The following SFT2D1 variants were observed in gnomAD, a reference collection of about 807,000 sequenced individuals.
SFT2D1 encodes vesicle transport protein SFT2A.
SFT2D1 carries 24 observed loss-of-function variants against 28.1 expected under a neutral mutation model. The ratio of observed to expected loss-of-function variants is 0.85; its 90% CI spans 0.62 to 1.20. The LOEUF (loss-of-function observed/expected upper bound fraction) is 1.20, where lower values mean the gene tolerates loss of function less well. SFT2D1 is among the 50% of genes most tolerant of loss of function. The pLI is 0.00. For synonymous variants in SFT2D1, 82 were observed against 73.7 expected (o/e 1.11, Z -0.58); for missense variants, 181 against 190.9 (o/e 0.95, Z 0.31).
chr6:166,341,496 TA>T (rs1262951327), intron 1 of SFT2D1, among the ~76,000 whole-genome samples: 6 of 149,694 alleles, frequency 4.0e-5, no homozygotes, highest in Non-Finnish European at 8.9e-5. Flanking sequence ...GCTGTGGTAA[TA>T]TACAGAGTTA....
chr6:166,329,674 A>G, intron 2 of SFT2D1, 85 bp from the exon 3 acceptor site: 1 of 1,008,644 alleles, frequency 9.9e-7, no homozygotes, highest in East Asian at 2.7e-5. Flanking sequence ...GTAATACAAT[A>G]CCAATATTAT....
At chr6:166,342,389 C>A in intron 1 of SFT2D1, 30 bp downstream of exon 1, 1 of 1,542,196 alleles carries the variant, frequency 6.5e-7, no homozygotes. Flanking sequence ...CGGGCAGCCC[C>A]GGGACTGGAC....
At chr6:166,342,196 G>C (rs189579042) in intron 1 of SFT2D1, among the ~76,000 whole-genome samples, 7 of 133,962 alleles carry the variant, frequency 5.2e-5, no homozygotes, top group African/African-American at 1.3e-4. Context: ...CCAGATGGGA[G>C]AGTCGGGGGG....
intron 1 of SFT2D1, among the ~76,000 whole-genome samples, chr6:166,332,722 C>T (rs1262385327): frequency 3.3e-5 from 5 of 152,222 alleles, no homozygotes; most frequent in Non-Finnish European, 7.3e-5. Flanking sequence ...TATCTGCTAC[C>T]AGAGGAAGAG....
chr6:166,325,137 T>C (rs1778420408), intron 5 of SFT2D1, among the ~76,000 whole-genome samples: 1 of 152,204 alleles, frequency 6.6e-6, no homozygotes, highest in African/African-American at 2.4e-5. Flanking sequence ...AATCTACTGT[T>C]TATAAGTAAA....
chr6:166,330,736 G>A (rs1003956634), intron 1 of SFT2D1, among the ~76,000 whole-genome samples: 7 of 152,238 alleles, frequency 4.6e-5, no homozygotes, highest in African/African-American at 1.4e-4. Context: ...TCCGCACTCA[G>A]TGCAAGTCCT....
chr6:166,329,852 TTTAAG>T (rs1205154235), intron 2 of SFT2D1, among the ~76,000 whole-genome samples: 2 of 152,200 alleles, frequency 1.3e-5, no homozygotes, highest in Non-Finnish European at 2.9e-5. Context: ...TCTCAGTCTA[TTTAAG>T]TTAAATTTTC....
At chr6:166,324,292 A>G (rs545120123) in intron 6 of SFT2D1, 1 of 393,676 alleles carries the variant, frequency 2.5e-6, no homozygotes, top group African/African-American at 2.1e-5. Flanking sequence ...TCACATTAGA[A>G]AAAAGCAGAA....
chr6:166,341,153 A>T (rs1216205966), intron 1 of SFT2D1, among the ~76,000 whole-genome samples: 1 of 152,210 alleles, frequency 6.6e-6, no homozygotes, highest in Admixed American at 6.5e-5. Flanking sequence ...TAATTAATTT[A>T]AATTTAATTG....
chr6:166,322,761 T>C, intron 7 of SFT2D1, 96 bp downstream of exon 7: 1 of 1,006,126 alleles, frequency 9.9e-7, no homozygotes, highest in Non-Finnish European at 1.5e-6. Context: ...AAAAAAGGGT[T>C]TAAATAGTAT....
chr6:166,335,981 G>A (rs762161571), intron 1 of SFT2D1, among the ~76,000 whole-genome samples: 1 of 152,198 alleles, frequency 6.6e-6, no homozygotes, highest in Non-Finnish European at 1.5e-5. Context: ...TCTGTTCTGT[G>A]GAAAGTACCA....
chr6:166,324,502 A>AT (rs762969992), intron 6 of SFT2D1, 35 bp downstream of exon 6: 3 of 1,591,344 alleles, frequency 1.9e-6, no homozygotes, highest in Non-Finnish European at 8.5e-7. Context: ...GTCTCAGGCA[A>AT]TTTTAACACT....
intron 1 of SFT2D1, chr6:166,335,294 G>A (rs1778625870): frequency 1.6e-5 from 9 of 579,516 alleles, no homozygotes; most frequent in South Asian, 8.2e-5. Context: ...TGGATACAGT[G>A]GCAGCAGGGA....
chr6:166,331,870 T>C (rs1778559275), intron 1 of SFT2D1, among the ~76,000 whole-genome samples: 1 of 152,244 alleles, frequency 6.6e-6, no homozygotes, highest in South Asian at 2.1e-4. Context: ...TGTGAGGATT[T>C]AGTGAGAGGA....
intron 1 of SFT2D1, chr6:166,335,286 G>A (rs1778625624): frequency 5.2e-6 from 3 of 581,554 alleles, no homozygotes; most frequent in Non-Finnish European, 9.9e-6. Flanking sequence ...GGTGGCGGTG[G>A]ATACAGTGGC....
chr6:166,336,086 T>A (rs1362056204), intron 1 of SFT2D1, among the ~76,000 whole-genome samples: 1 of 152,222 alleles, frequency 6.6e-6, no homozygotes, highest in Non-Finnish European at 1.5e-5. Context: ...ACTGAATAAA[T>A]GTGTCCTTTT....
At chr6:166,330,017 ACC>A in intron 2 of SFT2D1, 142 bp downstream of exon 2, 1 of 559,234 alleles carries the variant, frequency 1.8e-6, no homozygotes, top group East Asian at 3.1e-5. Flanking sequence ...ATTGATCTCT[ACC>A]CCTTTATTTT....
At chr6:166,330,897 G>T (rs886807031) in intron 1 of SFT2D1, among the ~76,000 whole-genome samples, 1 of 152,220 alleles carries the variant, frequency 6.6e-6, no homozygotes, top group Non-Finnish European at 1.5e-5. Flanking sequence ...CAGCAGAGAC[G>T]ATCACAGCAC....
rs757166819 is a variant in SFT2D1, at chr6:166,330,231, G to A, written c.80C>T (p.Ser27Phe). The part of the protein sequence containing the change: ...GLTAQVLDAS[S>F]LSFNTRLKWF... ...TTTCAATCTGGTGTTGAAACTAAGG[G>A]ATGAGGCATCCAGGACCTTAATAAA... Residue 27 changes from serine to phenylalanine, a missense_variant, in exon 2 of 8, where the codon TCC becomes TTC. By Grantham distance (155) the Ser-to-Phe change is radical (BLOSUM62 -2). Coordinates refer to ENST00000361731, the MANE Select transcript of SFT2D1 (RefSeq NM_145169.3). The A allele has an allele frequency of 8.2e-5, 132 of 1,602,818 alleles. No individual in the cohort carries two copies. The highest frequency in any genetic ancestry group is 1.0e-4 in the Non-Finnish European group (121 of 1,176,428).
Sources: gnomAD v4.1 joint callset for allele counts (sites outside exome capture counted in the v4.1 genomes callset) on GRCh38, gnomAD v4.1.1 for gene constraint, MANE v1.5 for transcripts, NCBI Gene and HGNC (gene_info 2026-07-23, HGNC 2026-07-21) for gene names.